Variants in PTPRD observed in about 807,000 individuals in gnomAD.
The protein encoded by PTPRD is receptor-type tyrosine-protein phosphatase delta.
PTPRD carries 34 observed loss-of-function variants against 214.5 expected under a neutral mutation model. The observed-to-expected ratio is 0.16, with a 90% CI of 0.12 to 0.21. The LOEUF (loss-of-function observed/expected upper bound fraction) is 0.21. Among genes scored for constraint, PTPRD ranks in the 10% least tolerant of loss-of-function variants. The probability of loss-of-function intolerance (pLI) is 1.00; values close to 1 mark genes in which losing one functional copy is unlikely to be tolerated. For missense variants in PTPRD, 2,545 were observed against 2,398.7 expected, an observed-to-expected ratio of 1.06 and a Z score of -1.27; for synonymous variants, 1,128 against 845.7, an observed-to-expected ratio of 1.33 and a Z score of -5.79.
intron 3 of PTPRD, among the ~76,000 whole-genome samples, chr9:10,337,097 A>G (rs2096857416): frequency 6.6e-6 from 1 of 151,758 alleles, no homozygotes; most frequent in Admixed American, 6.6e-5. Flanking sequence ...ACAAACAAAA[A>G]AGACAACAAA....
intron 3 of PTPRD, among the ~76,000 whole-genome samples, chr9:10,256,218 G>C (rs1333611818): frequency 6.6e-6 from 1 of 152,100 alleles, no homozygotes; most frequent in Non-Finnish European, 1.5e-5. Flanking sequence ...GTGCCAAAAA[G>C]GTTGGGGGCT....
intron 21 of PTPRD, 28 bp downstream of exon 21, chr9:8,517,819 GC>G: frequency 6.3e-7 from 1 of 1,577,116 alleles, no homozygotes; most frequent in African/African-American, 1.3e-5. Context: ...CTTCCCTCCT[GC>G]CCTATTTCCC....
At position 8,663,850 on chromosome 9, in the gene PTPRD, GATTA is replaced by G. The variant is rs957812944; in HGVS notation, c.65-27010_65-27007del. ...TTTGCTTAAATGAAATCACAAAAAT[GATTA>G]ATTAAAGTGTAGATATTACCAATTA... On this transcript the variant is annotated intron_variant, in intron 12 of 45. Transcript: ENST00000381196. Among the ~76,000 whole-genome samples the G allele has an allele frequency of 5.3e-5, 8 of 151,098 alleles. No individual in the cohort carries two copies. In the South Asian group the frequency reaches 1.0e-3, roughly 20 times the overall value.
chr9:9,709,179 C>T (rs375800722), intron 7 of PTPRD, among the ~76,000 whole-genome samples: 1 of 151,902 alleles, frequency 6.6e-6, no homozygotes, highest in Non-Finnish European at 1.5e-5. Context: ...TTAAAATATG[C>T]TTAGTCATGA....
intron 3 of PTPRD, among the ~76,000 whole-genome samples, chr9:10,103,617 G>T (rs2098593211): frequency 6.6e-6 from 1 of 151,204 alleles, no homozygotes; most frequent in Non-Finnish European, 1.5e-5. Context: ...TTCATTTTGA[G>T]ACTCAGTGTG....
chr9:9,444,149 G>C (rs1225749110), intron 8 of PTPRD, among the ~76,000 whole-genome samples: 2 of 152,072 alleles, frequency 1.3e-5, no homozygotes, highest in Non-Finnish European at 2.9e-5. Context: ...TTTATACTGT[G>C]TACCATACCA....
chr9:8,782,948 A>T (rs890945068), intron 11 of PTPRD, among the ~76,000 whole-genome samples: 4 of 152,058 alleles, frequency 2.6e-5, no homozygotes, highest in Non-Finnish European at 5.9e-5. Flanking sequence ...GAAAAGCTCC[A>T]AATAGGTAAG....
Position 9,831,644 on chromosome 9 carries a change from C to G in PTPRD, c.-367-64793G>C, listed in dbSNP as rs10119543. ...CCAACTACCTCTCAATGTTCTTTAC[C>G]TGTATTATCAGATTCCAGCATAACC... On this transcript the variant is annotated intron_variant, in intron 5 of 45. Transcript: ENST00000381196. Among the ~76,000 whole-genome samples the G allele has an allele frequency of 6.0e-3, 917 of 152,036 alleles. 7 individuals are homozygous for G. Among genetic ancestry groups the G allele is most frequent in the African/African-American group, 0.021 (871 of 41,524 alleles).
chr9:9,837,491 G>A (rs1009425466), intron 5 of PTPRD, among the ~76,000 whole-genome samples: 12 of 152,116 alleles, frequency 7.9e-5, no homozygotes, highest in Admixed American at 4.6e-4. Flanking sequence ...GTCCAGTGTC[G>A]CATATAAAAG....
At chr9:10,151,409 C>T (rs2099060421) in intron 3 of PTPRD, among the ~76,000 whole-genome samples, 1 of 151,632 alleles carries the variant, frequency 6.6e-6, no homozygotes, top group African/African-American at 2.4e-5. Context: ...ATTACAGGCA[C>T]ATGCCACCAC....
intron 13 of PTPRD, among the ~76,000 whole-genome samples, chr9:8,635,854 T>C (rs1157305912): frequency 1.3e-5 from 2 of 152,126 alleles, no homozygotes; most frequent in African/African-American, 4.8e-5. Flanking sequence ...TAGCTTTCTA[T>C]ATATCTTATT....
At chr9:10,383,132 T>G (rs2097853047) in intron 2 of PTPRD, among the ~76,000 whole-genome samples, 1 of 151,902 alleles carries the variant, frequency 6.6e-6, no homozygotes, top group Admixed American at 6.6e-5. Flanking sequence ...TGTCTTTATA[T>G]TTTTACCTTA....
At chr9:9,747,804 C>T (rs564644912) in intron 6 of PTPRD, among the ~76,000 whole-genome samples, 252 of 152,192 alleles carry the variant, frequency 1.7e-3, no homozygotes, top group Non-Finnish European at 2.6e-3. Context: ...CTACCTGCCT[C>T]GGCCTCCCAA....
At chr9:9,507,200 A>T (rs2096589829) in intron 8 of PTPRD, among the ~76,000 whole-genome samples, 1 of 151,328 alleles carries the variant, frequency 6.6e-6, no homozygotes, top group African/African-American at 2.4e-5. Context: ...GATAGTAAGC[A>T]TTATAATGTC....
chr9:9,336,200 T>C (rs1428530699), intron 9 of PTPRD, among the ~76,000 whole-genome samples: 1 of 152,136 alleles, frequency 6.6e-6, no homozygotes, highest in Non-Finnish European at 1.5e-5. Context: ...CTAAAGCTAC[T>C]TCCTCATGTA....
intron 14 of PTPRD, among the ~76,000 whole-genome samples, chr9:8,575,516 C>T (rs1294626628): frequency 1.3e-5 from 2 of 152,114 alleles, no homozygotes; most frequent in Non-Finnish European, 2.9e-5. Context: ...AAGTATCCTT[C>T]GTTACTGTGA....
At chr9:9,706,428 C>T (rs1280560065) in intron 7 of PTPRD, among the ~76,000 whole-genome samples, 3 of 151,724 alleles carry the variant, frequency 2.0e-5, no homozygotes, top group Non-Finnish European at 4.4e-5. Context: ...TGCACATCAC[C>T]GTACTTTTGC....
chr9:9,777,675 C>T (rs1241433725), intron 5 of PTPRD, among the ~76,000 whole-genome samples: 2 of 151,974 alleles, frequency 1.3e-5, no homozygotes, highest in Non-Finnish European at 2.9e-5. Context: ...GTAGTGTGCG[C>T]AACAGAGTGA....
Position 9,955,536 on chromosome 9 carries a change from T to TTTG in PTPRD, c.-471-16927_-471-16926insCAA, listed in dbSNP as rs1566698893. Among the ~76,000 whole-genome samples, 248 of 141,092 alleles carry TTTG rather than the reference T, an allele frequency of 1.8e-3. 1 individual carries two copies. The highest frequency in any genetic ancestry group is 4.3e-3 in the African/African-American group (172 of 39,592). The allele number at this position is 141,092 out of a possible 152,430, so 92.6% of individuals were successfully genotyped here. A position where few individuals can be genotyped will look rare whatever the true frequency, so the allele number is the denominator to read the frequency against. Reference sequence around the variant, plus strand: ...GTTTTGTTTTGTTTTGTTTTTTTTTTTTTTTGAGACAGAGTCTCGCTCTGT... The same window carrying TTTG: ...GTTTTGTTTTGTTTTGTTTTTTTTTTTTGTTTTTGAGACAGAGTCTCGCTCTGT... On this transcript the variant is annotated intron_variant, in intron 4 of 45. Coordinates refer to ENST00000381196, the MANE Select transcript of PTPRD (RefSeq NM_002839.4).
Sources: allele counts gnomAD v4.1 joint callset (sites outside exome capture counted in the v4.1 genomes callset), GRCh38; gene constraint gnomAD v4.1.1; transcripts MANE v1.5; gene names NCBI Gene and HGNC (gene_info 2026-07-23, HGNC 2026-07-21).